BTRC: variants seen among roughly 807,000 people sequenced by gnomAD.
BTRC encodes the protein beta-transducin repeat containing E3 ubiquitin protein ligase, also known as F-box/WD repeat-containing protein 1A.
BTRC carries 42 observed loss-of-function variants against 85.5 expected under a neutral mutation model. The ratio of observed to expected loss-of-function variants is 0.49; its 90% CI spans 0.38 to 0.64. BTRC has a LOEUF of 0.64. Ranked by LOEUF, BTRC falls within the 30% of genes least tolerant of loss-of-function variation. The pLI, the probability that BTRC is intolerant of heterozygous loss-of-function variation, is 0.00. For missense variants in BTRC, 594 were observed against 743.5 expected (o/e 0.80, Z 2.34); for synonymous variants, 255 against 263.3 (o/e 0.97, Z 0.30).
chr10:101,507,839 T>G (rs904237824), intron 4 of BTRC, among the ~76,000 whole-genome samples: 1 of 152,028 alleles, frequency 6.6e-6, no homozygotes, highest in Non-Finnish European at 1.5e-5. Flanking sequence ...ATTATGTCCT[T>G]TTTTTTTCCC....
chr10:101,487,194 T>C (rs1201050276), intron 4 of BTRC, among the ~76,000 whole-genome samples: 1 of 152,170 alleles, frequency 6.6e-6, no homozygotes. Flanking sequence ...ATATAAGGTA[T>C]AGGAGGTGAA....
chr10:101,381,962 CTTTTTTTTTTTTTTTTTTTT>C (rs71016314), intron 1 of BTRC, among the ~76,000 whole-genome samples: 39 of 49,156 alleles, frequency 7.9e-4, no homozygotes, highest in East Asian at 4.7e-3. Context: ...CTAAGAATGT[CTTTTTTTTTTTTTTTTTTTT>C]TTTTTTTTTT....
chr10:101,485,561 A>G (rs1945961069), intron 4 of BTRC, among the ~76,000 whole-genome samples: 1 of 152,238 alleles, frequency 6.6e-6, no homozygotes, highest in African/African-American at 2.4e-5. Context: ...TTTATTTTAC[A>G]AATCTAAAAC....
intron 1 of BTRC, among the ~76,000 whole-genome samples, chr10:101,362,846 TAAC>T (rs1942252384): frequency 6.6e-6 from 1 of 152,190 alleles, no homozygotes; most frequent in Non-Finnish European, 1.5e-5. Context: ...AATAACAATA[TAAC>T]AATAAAAGTG....
At chr10:101,438,452 T>C (rs1293556273) in intron 2 of BTRC, among the ~76,000 whole-genome samples, 1 of 84,628 alleles carries the variant, frequency 1.2e-5, no homozygotes, top group Non-Finnish European at 2.5e-5. Context: ...AAAAAAAAAG[T>C]CTTCTCATTA....
At position 101,550,778 on chromosome 10, in the gene BTRC, T is replaced by C; in HGVS notation, c.1736T>C (p.Ile579Thr). The stretch of plus-strand genomic sequence containing the variant: ...AGTTCACATGATGACACAATCCTCA[T>C]CTGGGACTTCCTAAATGATCCAGCT... Reference protein sequence around the residue: ...VSSSHDDTILIWDFLNDPAAQ... With the variant: ...VSSSHDDTILTWDFLNDPAAQ... Residue 579 changes from isoleucine (I) to threonine (T), a missense_variant, in exon 14 of 15, where the codon ATC becomes ACC. By Grantham distance (89) the Ile-to-Thr change is moderately conservative (BLOSUM62 -1). Coordinates refer to ENST00000370187, the MANE Select transcript of BTRC (RefSeq NM_033637.4). 1 of 1,614,128 alleles carries C rather than the reference T, an allele frequency of 6.2e-7. No individual in the cohort carries two copies. Among genetic ancestry groups the C allele is most frequent in the Non-Finnish European group, 8.5e-7 (1 of 1,180,004 alleles).
At chr10:101,403,538 A>C (rs1943539690) in intron 1 of BTRC, among the ~76,000 whole-genome samples, 1 of 152,100 alleles carries the variant, frequency 6.6e-6, no homozygotes, top group African/African-American at 2.4e-5. Flanking sequence ...AGTGAGTTTA[A>C]AAATTTTATT....
At chr10:101,445,192 T>G (rs1944789379) in intron 2 of BTRC, among the ~76,000 whole-genome samples, 1 of 152,214 alleles carries the variant, frequency 6.6e-6, no homozygotes, top group Non-Finnish European at 1.5e-5. Context: ...ATTTCTTAGA[T>G]TCTGTTTTTC....
At chr10:101,542,225 C>A (rs993501891) in intron 13 of BTRC, among the ~76,000 whole-genome samples, 4 of 151,794 alleles carry the variant, frequency 2.6e-5, no homozygotes, top group African/African-American at 9.7e-5. Flanking sequence ...CCCTTATTAT[C>A]CTTTTAATGC....
chr10:101,508,570 C>CA (rs1239034331), intron 4 of BTRC, among the ~76,000 whole-genome samples: 1 of 151,654 alleles, frequency 6.6e-6, no homozygotes, highest in East Asian at 1.9e-4. Context: ...CACCCTACTC[C>CA]AAAAAAAGGA....
At chr10:101,402,654 A>G (rs1458915015) in intron 1 of BTRC, among the ~76,000 whole-genome samples, 1 of 152,202 alleles carries the variant, frequency 6.6e-6, no homozygotes, top group Non-Finnish European at 1.5e-5. Flanking sequence ...GGTAGTTAGA[A>G]ATATCTTATT....
intron 1 of BTRC, among the ~76,000 whole-genome samples, chr10:101,357,086 G>A (rs1942057190): frequency 6.6e-6 from 1 of 151,232 alleles, no homozygotes. Context: ...CCAAGATCGC[G>A]CCACTGCACT....
At chr10:101,551,423 A>G (rs1384328755) in intron 14 of BTRC, among the ~76,000 whole-genome samples, 1 of 152,206 alleles carries the variant, frequency 6.6e-6, no homozygotes, top group Non-Finnish European at 1.5e-5. Context: ...CTCCAAAAAG[A>G]GGACCTGTCT....
intron 4 of BTRC, among the ~76,000 whole-genome samples, chr10:101,497,565 G>T (rs1946293778): frequency 6.6e-6 from 1 of 152,094 alleles, no homozygotes; most frequent in African/African-American, 2.4e-5. Flanking sequence ...ATTTATCCAG[G>T]CATGGTGGTG....
At chr10:101,427,518 TCTTA>T (rs1378798340) in intron 1 of BTRC, among the ~76,000 whole-genome samples, 1 of 150,398 alleles carries the variant, frequency 6.6e-6, no homozygotes, top group South Asian at 2.1e-4. Context: ...CTCTTTCTTC[TCTTA>T]CTTTCTTTTC....
chr10:101,516,794 G>T (rs1208081778), intron 4 of BTRC, among the ~76,000 whole-genome samples: 1 of 152,128 alleles, frequency 6.6e-6, no homozygotes, highest in Non-Finnish European at 1.5e-5. Flanking sequence ...TTTATTTAAT[G>T]TATAAGTGGA....
intron 9 of BTRC, 124 bp downstream of exon 9, chr10:101,533,194 C>A: frequency 1.6e-6 from 1 of 607,114 alleles, no homozygotes; most frequent in Non-Finnish European, 2.8e-6. Context: ...ACCACCAGGT[C>A]CCCATCATTT....
At chr10:101,396,283 C>T (rs1279998298) in intron 1 of BTRC, among the ~76,000 whole-genome samples, 1 of 150,338 alleles carries the variant, frequency 6.7e-6, no homozygotes, top group African/African-American at 2.5e-5. Context: ...TAATGCTTTT[C>T]TTTAATTTTT....
At chr10:101,481,052 G>C (rs1005821126) in intron 4 of BTRC, among the ~76,000 whole-genome samples, 2 of 152,180 alleles carry the variant, frequency 1.3e-5, no homozygotes, top group Non-Finnish European at 2.9e-5. Flanking sequence ...CTCCCGAGTA[G>C]CTGAAAACAT....
Sources: gnomAD v4.1 joint callset for allele counts (sites outside exome capture counted in the v4.1 genomes callset) on GRCh38, gnomAD v4.1.1 for gene constraint, MANE v1.5 for transcripts, NCBI Gene and HGNC (gene_info 2026-07-23, HGNC 2026-07-21) for gene names.